Variants in KDM4C observed in about 807,000 individuals in gnomAD.
KDM4C encodes lysine demethylase 4C.
KDM4C carries 81 observed loss-of-function variants against 129.3 expected under a neutral mutation model. The observed-to-expected ratio is 0.63, with a 90% CI of 0.52 to 0.75. The LOEUF is 0.75. KDM4C is among the 30% of genes least tolerant of loss of function. The pLI, the probability that KDM4C is intolerant of heterozygous loss-of-function variation, is 0.00. For synonymous variants in KDM4C, 573 were observed against 456.1 expected (o/e 1.26, Z -3.26); for missense variants, 1,457 against 1,304.0 (o/e 1.12, Z -1.81).
chr9:6,969,413 T>G (rs1589380188), intron 8 of KDM4C, among the ~76,000 whole-genome samples: 1 of 151,752 alleles, frequency 6.6e-6, no homozygotes, highest in African/African-American at 2.4e-5. Context: ...GAACATAGGG[T>G]TTTTTTTATC....
At chr9:7,076,298 A>G in intron 17 of KDM4C, 2 of 605,762 alleles carry the variant, frequency 3.3e-6, no homozygotes, top group Non-Finnish European at 5.8e-6. Flanking sequence ...TAAACAGTTT[A>G]TTCAAGGAAT....
intron 19 of KDM4C, among the ~76,000 whole-genome samples, chr9:7,131,789 C>G (rs184075205): frequency 3.3e-4 from 51 of 152,322 alleles, no homozygotes; most frequent in South Asian, 1.2e-3. Flanking sequence ...TTGTTTCTGT[C>G]TCAGTATCTT....
At chr9:6,729,530 G>A (rs1251026716) in intron 1 of KDM4C, among the ~76,000 whole-genome samples, 1 of 133,586 alleles carries the variant, frequency 7.5e-6, no homozygotes, top group Admixed American at 8.1e-5. Context: ...TTGGATGACA[G>A]AGACCCTGTC....
chr9:6,730,375 G>C (rs1004203308), intron 1 of KDM4C, among the ~76,000 whole-genome samples: 1 of 152,034 alleles, frequency 6.6e-6, no homozygotes, highest in South Asian at 2.1e-4. Flanking sequence ...CAGCACTTTC[G>C]GAGGCCAAGG....
At chr9:6,949,549 C>G (rs896713391) in intron 8 of KDM4C, among the ~76,000 whole-genome samples, 2 of 152,310 alleles carry the variant, frequency 1.3e-5, no homozygotes, top group African/African-American at 4.8e-5. Context: ...AGCCTGGGCA[C>G]CATTGAGCAC....
chr9:6,957,932 C>T (rs146270325), intron 8 of KDM4C, among the ~76,000 whole-genome samples: 118 of 152,170 alleles, frequency 7.8e-4, no homozygotes, highest in African/African-American at 2.7e-3. Context: ...ACAGTGTTAT[C>T]GAAAGCCTGT....
intron 1 of KDM4C, among the ~76,000 whole-genome samples, chr9:6,744,896 C>T (rs1363037482): frequency 1.3e-5 from 2 of 152,062 alleles, no homozygotes; most frequent in Non-Finnish European, 2.9e-5. Flanking sequence ...ACTGAGAGAG[C>T]TAGGTGGGGC....
At chr9:6,855,131 A>G (rs997250983) in intron 5 of KDM4C, among the ~76,000 whole-genome samples, 2 of 152,222 alleles carry the variant, frequency 1.3e-5, no homozygotes, top group African/African-American at 4.8e-5. Flanking sequence ...TGTTTTAAAC[A>G]TGAACTTCAT....
chr9:6,949,533 C>T (rs934308325), intron 8 of KDM4C, among the ~76,000 whole-genome samples: 1 of 152,336 alleles, frequency 6.6e-6, no homozygotes, highest in East Asian at 1.9e-4. Flanking sequence ...CACGCCACTG[C>T]CCTCCAGCCT....
chr9:6,972,737 C>A (rs115275372), intron 8 of KDM4C, among the ~76,000 whole-genome samples: 64 of 152,250 alleles, frequency 4.2e-4, no homozygotes, highest in African/African-American at 1.4e-3. Flanking sequence ...TGTTGGATAC[C>A]TGTTGGGTTT....
At chr9:7,141,438 TGCA>T (rs1331662234) in intron 19 of KDM4C, among the ~76,000 whole-genome samples, 1 of 152,220 alleles carries the variant, frequency 6.6e-6, no homozygotes, top group East Asian at 1.9e-4. Context: ...AGGAGAATGT[TGCA>T]GTAAATCAGA....
chr9:7,154,568 A>G (rs1268365348), intron 19 of KDM4C, among the ~76,000 whole-genome samples: 1 of 152,218 alleles, frequency 6.6e-6, no homozygotes, highest in Non-Finnish European at 1.5e-5. Context: ...TTCAGAATTC[A>G]GGTAATCAGA....
intron 1 of KDM4C, among the ~76,000 whole-genome samples, chr9:6,791,153 CCAGG>C (rs1264938807): frequency 5.3e-5 from 8 of 152,096 alleles, no homozygotes; most frequent in Non-Finnish European, 1.0e-4. Context: ...ACTCCATCAC[CCAGG>C]CTGGAGTGCA....
chr9:6,845,472 C>T (rs1031426726), intron 4 of KDM4C, among the ~76,000 whole-genome samples: 1 of 152,174 alleles, frequency 6.6e-6, no homozygotes, highest in African/African-American at 2.4e-5. Context: ...TCCTTGGCCT[C>T]TGAAAGTATT....
At chr9:6,804,299 G>A (rs949693926) in intron 2 of KDM4C, among the ~76,000 whole-genome samples, 1 of 152,192 alleles carries the variant, frequency 6.6e-6, no homozygotes, top group African/African-American at 2.4e-5. Context: ...TGCTTATGTA[G>A]TGATGTCACG....
At position 7,128,212 on chromosome 9, in the gene KDM4C, A is replaced by G; in HGVS notation, c.2757A>G (p.Arg919=). The part of the protein sequence containing the change: ...EVMFDDGSFS[R]DTFPEDIVSR... ...TGTTTGATGATGGCTCCTTTAGCAG[A>G]GACACATTTCCTGAGGATATCGTGG... Residue 919 remains arginine (R), a synonymous_variant, in exon 19 of 22, where the codon AGA becomes AGG. Coordinates refer to ENST00000381309, the MANE Select transcript of KDM4C (RefSeq NM_015061.6). 2 of 1,603,368 alleles carry G rather than the reference A, an allele frequency of 1.2e-6. No individual in the cohort carries two copies. Among genetic ancestry groups the G allele is most frequent in the Non-Finnish European group, 1.7e-6 (2 of 1,174,898 alleles).
intron 5 of KDM4C, among the ~76,000 whole-genome samples, chr9:6,878,497 T>C (rs1182539565): frequency 1.3e-5 from 2 of 152,072 alleles, no homozygotes; most frequent in African/African-American, 2.4e-5. Context: ...GGAGATTGAA[T>C]TGGTATGATT....
chr9:7,149,405 A>G (rs1842523139), intron 19 of KDM4C, among the ~76,000 whole-genome samples: 1 of 152,236 alleles, frequency 6.6e-6, no homozygotes, highest in Admixed American at 6.5e-5. Context: ...CCCTGAGAGC[A>G]CAGGGATGCC....
chr9:7,059,969 T>A (rs911493642), intron 17 of KDM4C, among the ~76,000 whole-genome samples: 1 of 152,132 alleles, frequency 6.6e-6, no homozygotes, highest in African/African-American at 2.4e-5. Context: ...TTAATAACGT[T>A]TAAGAGTATA....
Sources: gnomAD v4.1 joint callset for allele counts (sites outside exome capture counted in the v4.1 genomes callset) on GRCh38, gnomAD v4.1.1 for gene constraint, MANE v1.5 for transcripts, NCBI Gene and HGNC (gene_info 2026-07-23, HGNC 2026-07-21) for gene names.